ADAMTSL1: variants seen among roughly 807,000 people sequenced by gnomAD.
ADAMTSL1 encodes the protein ADAMTS-like protein 1.
In ADAMTSL1, 126 loss-of-function variants were observed where a neutral mutation model predicts 201.8. The observed-to-expected ratio is 0.62, with a 90% confidence interval of 0.54 to 0.72. The LOEUF (loss-of-function observed/expected upper bound fraction) is 0.72, where lower values mean the gene tolerates loss of function less well. Among genes scored for constraint, ADAMTSL1 ranks in the 30% least tolerant of loss-of-function variants. The probability of loss-of-function intolerance (pLI) is 0.00; values close to 1 mark genes in which losing one functional copy is unlikely to be tolerated. For missense variants in ADAMTSL1, 2,679 were observed against 2,277.8 expected, an observed-to-expected ratio of 1.18 and a Z score of -3.59; for synonymous variants, 1,121 against 903.4, an observed-to-expected ratio of 1.24 and a Z score of -4.32.
chr9:18,120,339 T>C (rs79913967), intron 1 of ADAMTSL1, among the ~76,000 whole-genome samples: 4,694 of 152,276 alleles, frequency 0.031, 210 homozygotes, highest in African/African-American at 0.11. Flanking sequence ...TTTTATAACC[T>C]AATCTCAGAA....
At chr9:18,403,991 A>G (rs535071284) in intron 2 of ADAMTSL1, among the ~76,000 whole-genome samples, 14 of 152,148 alleles carry the variant, frequency 9.2e-5, no homozygotes, top group Non-Finnish European at 1.8e-4. Flanking sequence ...TGCCCCGTGG[A>G]AGGATCAATA....
At chr9:17,917,660 A>C (rs1185425921) in intron 1 of ADAMTSL1, among the ~76,000 whole-genome samples, 3 of 151,938 alleles carry the variant, frequency 2.0e-5, no homozygotes, top group Non-Finnish European at 4.4e-5. Flanking sequence ...TTTTCTTGAA[A>C]TATCTTTGGT....
chr9:18,074,789 C>T (rs146382115), intron 1 of ADAMTSL1, among the ~76,000 whole-genome samples: 1 of 151,880 alleles, frequency 6.6e-6, no homozygotes, highest in Admixed American at 6.6e-5. Flanking sequence ...TGGGGTTACA[C>T]CATGTTGGCC....
At chr9:18,441,300 G>A (rs953817036) in intron 2 of ADAMTSL1, among the ~76,000 whole-genome samples, 1 of 152,076 alleles carries the variant, frequency 6.6e-6, no homozygotes, top group Non-Finnish European at 1.5e-5. Flanking sequence ...TGAATTTTAT[G>A]GAATGTGAAA....
At chr9:18,157,490 A>G (rs1827207197) in intron 1 of ADAMTSL1, among the ~76,000 whole-genome samples, 1 of 151,936 alleles carries the variant, frequency 6.6e-6, no homozygotes, top group Non-Finnish European at 1.5e-5. Flanking sequence ...AAATTCAGCT[A>G]CATCTGGTCA....
At chr9:18,698,173 A>T (rs1587925802) in intron 13 of ADAMTSL1, among the ~76,000 whole-genome samples, 1 of 152,346 alleles carries the variant, frequency 6.6e-6, no homozygotes, top group Non-Finnish European at 1.5e-5. Flanking sequence ...GTTCTAGAAT[A>T]GAGATTAAAT....
At chr9:18,884,610 C>G (rs1461835593) in intron 23 of ADAMTSL1, among the ~76,000 whole-genome samples, 5 of 152,050 alleles carry the variant, frequency 3.3e-5, no homozygotes, top group African/African-American at 1.2e-4. Context: ...GTCATTTGTT[C>G]ACATATGGAT....
intron 2 of ADAMTSL1, among the ~76,000 whole-genome samples, chr9:18,300,407 A>T (rs528140782): frequency 6.6e-6 from 1 of 151,584 alleles, no homozygotes; most frequent in South Asian, 2.1e-4. Context: ...TGGGAATTGA[A>T]CAATGAGATC....
rs775121389 is a variant in ADAMTSL1 at position 18,777,016 on chromosome 9, C to G, written c.2787C>G (p.Phe929Leu). ...ISSTHVTVAP[F>L]GYLKIHRLKP... ...CGACGCACGTCACGGTGGCCCCCTT[C>G]GGCTATCTCAAGATCCACCGCCTCA... The change falls in exon 19 of 29, where the codon TTC becomes TTG. Residue 929 changes from phenylalanine (F) to leucine (L), a missense_variant. Physicochemically the swap from Phe to Leu is conservative, Grantham distance 22 (BLOSUM62 0). Transcript: ENST00000380548. 2.5e-6 allele frequency: 4 copies of G among 1,606,006 alleles called. No individual in the cohort carries two copies. In the Admixed American group the frequency reaches 6.7e-5, roughly 27 times the overall value.
intron 1 of ADAMTSL1, among the ~76,000 whole-genome samples, chr9:17,942,610 C>G (rs1827286100): frequency 6.6e-6 from 1 of 152,164 alleles, no homozygotes; most frequent in Admixed American, 6.6e-5. Context: ...CTTTGGCCTG[C>G]ACCAAAATAT....
rs138626514 is a variant in ADAMTSL1, at chr9:18,669,688, C to T, written c.1086-6169C>T. ...AAATTTTGAGAGAATTATCTTAGTT[C>T]AGTGGTTTTCAAGCTGTGGCCCAGT... On this transcript the variant is annotated intron_variant, in intron 9 of 28. Coordinates refer to ENST00000380548, the MANE Select transcript of ADAMTSL1 (RefSeq NM_001040272.6). Among the ~76,000 whole-genome samples, 3 of 152,202 alleles carry T rather than the reference C, an allele frequency of 2.0e-5. No homozygotes were observed. In the East Asian group the frequency reaches 5.8e-4, roughly 29 times the overall value.
At chr9:18,611,926 A>G (rs1338307539) in intron 4 of ADAMTSL1, among the ~76,000 whole-genome samples, 1 of 151,538 alleles carries the variant, frequency 6.6e-6, no homozygotes, top group African/African-American at 2.4e-5. Flanking sequence ...CCCCAGCCAG[A>G]CCACCAGCCA....
intron 3 of ADAMTSL1, among the ~76,000 whole-genome samples, chr9:18,554,961 C>G (rs1462103570): frequency 6.6e-6 from 1 of 151,742 alleles, no homozygotes; most frequent in Non-Finnish European, 1.5e-5. Flanking sequence ...GAACATATAT[C>G]CACCTCTGTA....
intron 11 of ADAMTSL1, among the ~76,000 whole-genome samples, 172 bp from the exon 12 acceptor site, chr9:18,681,640 A>G (rs1164170543): frequency 1.5e-5 from 2 of 132,780 alleles, no homozygotes; most frequent in African/African-American, 2.8e-5. Flanking sequence ...ATAGCCAAAT[A>G]GAACAAAGAT....
At chr9:18,517,880 G>A (rs900739210) in intron 2 of ADAMTSL1, among the ~76,000 whole-genome samples, 1 of 152,086 alleles carries the variant, frequency 6.6e-6, no homozygotes, top group Non-Finnish European at 1.5e-5. Flanking sequence ...TTTTAATCAG[G>A]TTTCTTGTAG....
In ADAMTSL1 at chr9:18,099,347, ATATATATATTT is replaced by A. The variant is rs1341235332; in HGVS notation, c.88-64513_88-64503del. 5.5e-4 allele frequency among the ~76,000 whole-genome samples: 26 copies of A among 47,332 alleles called. No individual in the cohort carries two copies. In the South Asian group the frequency reaches 0.014, roughly 25 times the overall value. The allele number at this position is 47,332 out of a possible 152,430, so 31.1% of individuals were successfully genotyped here. On this transcript the variant is annotated intron_variant, in intron 1 of 29. Coordinates refer to the ADAMTSL1 transcript ENST00000680146. ...GGAAAATATATATATATATATATAT[ATATATATATTT>A]TTTTTTTTTTTTTTAACATCCATTA...
chr9:18,722,194 C>T (rs969987044), intron 15 of ADAMTSL1, among the ~76,000 whole-genome samples: 2 of 152,138 alleles, frequency 1.3e-5, no homozygotes, highest in East Asian at 1.9e-4. Flanking sequence ...CATTGTTCAG[C>T]CCTGCCTGGG....
chr9:18,426,376 A>G (rs1819222673), intron 2 of ADAMTSL1, among the ~76,000 whole-genome samples: 1 of 152,210 alleles, frequency 6.6e-6, no homozygotes, highest in South Asian at 2.1e-4. Context: ...AAGTTCCCTT[A>G]AAGTTAGACT....
At chr9:18,301,143 A>G (rs993251980) in intron 2 of ADAMTSL1, among the ~76,000 whole-genome samples, 3 of 152,218 alleles carry the variant, frequency 2.0e-5, no homozygotes, top group African/African-American at 7.2e-5. Context: ...TAATTGTAAG[A>G]TGCACCATTA....
Sources: allele counts gnomAD v4.1 joint callset (sites outside exome capture counted in the v4.1 genomes callset), GRCh38; gene constraint gnomAD v4.1.1; transcripts MANE v1.5; gene names NCBI Gene and HGNC (gene_info 2026-07-23, HGNC 2026-07-21).